The following DNAI3 variants were observed in gnomAD, a reference collection of about 807,000 sequenced individuals.
The protein encoded by DNAI3 is WD repeat domain 63.
A neutral mutation model predicts 115.5 loss-of-function variants in DNAI3; 83 were observed. That is an observed-to-expected ratio of 0.72 (90% CI 0.60 to 0.86). DNAI3 has a LOEUF of 0.86. Among genes scored for constraint, DNAI3 ranks in the 40% least tolerant of loss-of-function variants. The pLI is 0.00. For missense variants in DNAI3, 1,004 were observed against 1,075.8 expected (o/e 0.93, Z 0.93); for synonymous variants, 320 against 347.0 (o/e 0.92, Z 0.86).
At position 85,097,669 on chromosome 1, in the gene DNAI3, A is replaced by T. The variant is rs1557716549; in HGVS notation, c.1350+14A>T. The T allele has an allele frequency of 6.2e-7, 1 of 1,601,042 alleles. No homozygotes were observed. The highest frequency in any genetic ancestry group is 8.5e-7 in the Non-Finnish European group (1 of 1,174,622). ...GCCACACTGAAGGTAAGCTTTTTAC[A>T]ACATTTCACTTGCAAGTTTTTTCCA... On this transcript the variant is annotated intron_variant, in intron 12 of 22. Transcript: ENST00000294664.
At position 85,079,728 on chromosome 1, in the gene DNAI3, G is replaced by A. The variant is rs868007473; in HGVS notation, c.104-1506G>A. On this transcript the variant is annotated intron_variant, in intron 3 of 22. Coordinates refer to ENST00000294664, the MANE Select transcript of DNAI3 (RefSeq NM_145172.5). ...GCAAAATTCTCCTTTGTCCTCTAGC[G>A]TCCACCCTCCCAGGGCATGCTGCTG... is the stretch of plus-strand genomic sequence containing the variant. Among the ~76,000 whole-genome samples, 5 of 152,198 alleles carry A rather than the reference G, an allele frequency of 3.3e-5. No individual in the cohort carries two copies. The South Asian group carries it at 1.0e-3, about 32-fold the overall frequency.
intron 18 of DNAI3, 151 bp from the exon 19 acceptor site, chr1:85,123,970 A>G: frequency 1.1e-6 from 1 of 908,968 alleles, no homozygotes; most frequent in South Asian, 1.8e-5. Context: ...CCATCCCTTG[A>G]CAGATCTATT....
intron 16 of DNAI3, among the ~76,000 whole-genome samples, chr1:85,110,476 AATAAATAC>A (rs1414003623): frequency 7.3e-5 from 11 of 151,058 alleles, no homozygotes; most frequent in East Asian, 5.8e-4. Flanking sequence ...TAAATAAATA[AATAAATAC>A]ATTTACTAAT....
At chr1:85,109,099 C>G (rs1394624102) in intron 15 of DNAI3, among the ~76,000 whole-genome samples, 1 of 152,142 alleles carries the variant, frequency 6.6e-6, no homozygotes, top group East Asian at 1.9e-4. Flanking sequence ...CCAAACAGAA[C>G]TGAAAATTAA....
At position 85,117,672 on chromosome 1, in the gene DNAI3, T is replaced by C; in HGVS notation, c.1787-57T>C. The C allele has an allele frequency of 3.1e-6, 5 of 1,593,402 alleles. No individual in the cohort carries two copies. In the Admixed American group the frequency reaches 8.4e-5, roughly 27 times the overall value. On this transcript the variant is annotated intron_variant, in intron 16 of 22. Transcript: ENST00000294664. ...GGGCAGAAAATGTAAACTGTCTATA[T>C]TTTAAAAGATGTTTCCCTGTAAATA...
Position 85,117,791 on chromosome 1 carries a change from G to A in DNAI3, c.1849G>A (p.Glu617Lys). Residue 617 changes from glutamate (E) to lysine (K), a missense_variant, in exon 17 of 23, where the codon GAA (glutamate) becomes AAA (lysine). By Grantham distance (56) the Glu-to-Lys change is moderately conservative (BLOSUM62 1). Around this residue, in one of 3 missense-constraint regions of DNAI3, gnomAD observed 429 missense variants for 454.3 expected, o/e 0.94. Transcript: ENST00000294664. ...AEEMNPYHNL[E>K]SGMANLLKPI... The stretch of plus-strand genomic sequence containing the variant: ...AGAAATGAACCCGTATCATAATCTG[G>A]AAAGTGGGATGGCCAATCTTCTCAA... 2.5e-6 allele frequency: 4 copies of A among 1,613,944 alleles called. No homozygotes were observed. Among genetic ancestry groups the A allele is most frequent in the Non-Finnish European group, 3.4e-6 (4 of 1,179,852 alleles).
intron 4 of DNAI3, 138 bp from the exon 5 acceptor site, chr1:85,082,161 TG>T (rs1252443614): frequency 1.5e-6 from 1 of 652,588 alleles, no homozygotes; most frequent in Non-Finnish European, 2.6e-6. Context: ...TTTTGCAATT[TG>T]GTGTTATCAG....
chr1:85,066,412 T>A (rs977507607), intron 1 of DNAI3, among the ~76,000 whole-genome samples: 11 of 146,050 alleles, frequency 7.5e-5, no homozygotes, highest in Non-Finnish European at 1.6e-4. Context: ...AAGCTCCGTC[T>A]GCCTCCTGAG....
chr1:85,108,064 A>G lies in DNAI3; in HGVS notation c.1585A>G (p.Lys529Glu). 2 of 1,601,762 alleles carry G rather than the reference A, an allele frequency of 1.2e-6. No individual in the cohort carries two copies. Among genetic ancestry groups the G allele is most frequent in the Non-Finnish European group, 1.7e-6 (2 of 1,175,718 alleles). ...TICFWDIRPQ[K>E]PLTPQTTEKK... ...ATGTTTTTGGGATATTAGACCACAG[A>G]AACCTTTAACCCCCCAAACAACAGA... is the stretch of plus-strand genomic sequence containing the variant. The change falls in exon 15 of 23, where the codon AAA becomes GAA. Residue 529 changes from lysine to glutamate, a missense_variant. Physicochemically the swap from Lys to Glu is moderately conservative, Grantham distance 56 (BLOSUM62 1). Transcript: ENST00000294664.
At chr1:85,116,781 T>C (rs1192493286) in intron 16 of DNAI3, among the ~76,000 whole-genome samples, 2 of 152,194 alleles carry the variant, frequency 1.3e-5, no homozygotes, top group East Asian at 1.9e-4. Context: ...TCTAGTTCGA[T>C]GTTTGGTTCA....
chr1:85,121,878 A>G, intron 18 of DNAI3, 64 bp downstream of exon 18: 1 of 1,557,634 alleles, frequency 6.4e-7, no homozygotes. Flanking sequence ...ACCCAAAGGA[A>G]TCTCATGCAG....
At chr1:85,103,465 G>A (rs1247903291) in intron 13 of DNAI3, among the ~76,000 whole-genome samples, 1 of 152,086 alleles carries the variant, frequency 6.6e-6, no homozygotes, top group Admixed American at 6.5e-5. Flanking sequence ...GATCTTACCT[G>A]CTTAGCAACC....
rs990637658 is a variant in DNAI3 at position 85,108,259 on chromosome 1, ACT to A, written c.1698+87_1698+88del. On this transcript the variant is annotated intron_variant, in intron 15 of 22. Coordinates refer to ENST00000294664, the MANE Select transcript of DNAI3 (RefSeq NM_145172.5). ...CATGCATAGACATACATATACACAC[ACT>A]CTCTAAAAGTAGAGCAGCTCAGATT... 3.7e-5 allele frequency: 51 copies of A among 1,363,992 alleles called. No homozygotes were observed. In the Admixed American group the frequency reaches 1.2e-3, roughly 32 times the overall value. 84.5% of individuals were successfully genotyped at this position (1,363,992 alleles called of 1,614,324 possible). A position where few individuals can be genotyped will look rare whatever the true frequency, so the allele number is the denominator to read the frequency against.
intron 18 of DNAI3, among the ~76,000 whole-genome samples, chr1:85,123,494 C>T (rs1656044959): frequency 6.6e-6 from 1 of 152,194 alleles, no homozygotes; most frequent in Admixed American, 6.5e-5. Flanking sequence ...ACACTTCTCT[C>T]CTTAGGACTT....
chr1:85,120,517 T>C (rs550529261), intron 17 of DNAI3, among the ~76,000 whole-genome samples: 1 of 152,304 alleles, frequency 6.6e-6, no homozygotes, highest in Non-Finnish European at 1.5e-5. Context: ...TTTATTAGAT[T>C]GGTTCCAACT....
intron 1 of DNAI3, among the ~76,000 whole-genome samples, chr1:85,065,372 T>C (rs1654066354): frequency 1.3e-5 from 2 of 152,134 alleles, no homozygotes; most frequent in South Asian, 4.1e-4. Flanking sequence ...GCATTAACAA[T>C]GGGAAGATGC....
intron 10 of DNAI3, 60 bp from the exon 11 acceptor site, chr1:85,095,871 T>C: frequency 6.7e-7 from 1 of 1,485,488 alleles, no homozygotes; most frequent in Non-Finnish European, 9.4e-7. Flanking sequence ...AATATTATTT[T>C]CTCGCCATGA....
At chr1:85,086,157 C>T (rs1654794745) in intron 7 of DNAI3, 127 bp downstream of exon 7, 1 of 845,458 alleles carries the variant, frequency 1.2e-6, no homozygotes, top group African/African-American at 1.7e-5. Flanking sequence ...CATAGATCTC[C>T]ACAGAGTAAT....
intron 3 of DNAI3, among the ~76,000 whole-genome samples, chr1:85,079,089 G>A (rs72946771): frequency 6.6e-6 from 1 of 152,190 alleles, no homozygotes; most frequent in Non-Finnish European, 1.5e-5. Flanking sequence ...CACTAGCACA[G>A]TGTGAGTCTC....
Sources: gnomAD v4.1 joint callset for allele counts (sites outside exome capture counted in the v4.1 genomes callset) on GRCh38, gnomAD v4.1.1 for gene constraint, gnomAD v4.1.1 regional missense constraint, MANE v1.5 for transcripts, NCBI Gene and HGNC (gene_info 2026-07-23, HGNC 2026-07-21) for gene names.